Variants in ADGRB3 observed in about 807,000 individuals in gnomAD.
ADGRB3 encodes brain-specific angiogenesis inhibitor 3.
ADGRB3 carries 37 observed loss-of-function variants against 193.4 expected under a neutral mutation model. The ratio of observed to expected loss-of-function variants is 0.19; its 90% confidence interval spans 0.15 to 0.25. The LOEUF is 0.25. ADGRB3 is among the 10% of genes least tolerant of loss of function. The pLI is 1.00. For missense variants in ADGRB3, 1,637 were observed against 1,852.9 expected (o/e 0.88, Z 2.14); for synonymous variants, 690 against 644.2 (o/e 1.07, Z -1.08).
In ADGRB3 at chr6:68,972,208, A is replaced by AT. The variant is rs1183891910; in HGVS notation, c.1526-2548dup. Among the ~76,000 whole-genome samples the AT allele has an allele frequency of 3.3e-5, 5 of 152,190 alleles. No homozygotes were observed. The East Asian group carries it at 7.7e-4, about 23-fold the overall frequency. Reference sequence around the variant, plus strand: ...GCCCCTACCCTCACTTGAGTTGTAGATTTTTTTGTGATTAGTTTTATTTTA... The same window carrying AT: ...GCCCCTACCCTCACTTGAGTTGTAGATTTTTTTTGTGATTAGTTTTATTTTA... On this transcript the variant is annotated intron_variant, in intron 8 of 31. Transcript: ENST00000370598.
intron 17 of ADGRB3, among the ~76,000 whole-genome samples, chr6:69,141,143 G>GGA (rs1774330037): frequency 7.4e-6 from 1 of 135,076 alleles, no homozygotes; most frequent in Non-Finnish European, 1.6e-5. Flanking sequence ...GGGGCGGTGG[G>GGA]GACGGAGTCT....
At chr6:68,970,770 GC>G (rs1562105198) in intron 8 of ADGRB3, among the ~76,000 whole-genome samples, 1 of 152,242 alleles carries the variant, frequency 6.6e-6, no homozygotes, top group Non-Finnish European at 1.5e-5. Flanking sequence ...TGAGGTAAGT[GC>G]ATGAAATAAC....
intron 20 of ADGRB3, among the ~76,000 whole-genome samples, chr6:69,244,846 A>G (rs1355735962): frequency 6.6e-6 from 1 of 152,074 alleles, no homozygotes; most frequent in African/African-American, 2.4e-5. Flanking sequence ...CACTTAACCC[A>G]GAGAGTGGTA....
At chr6:69,119,028 T>C (rs1363924454) in intron 17 of ADGRB3, among the ~76,000 whole-genome samples, 2 of 152,224 alleles carry the variant, frequency 1.3e-5, no homozygotes, top group Non-Finnish European at 2.9e-5. Flanking sequence ...GCTGTTATAA[T>C]GGTGCTTTAC....
At chr6:69,310,580 A>G (rs1768168782) in intron 20 of ADGRB3, among the ~76,000 whole-genome samples, 2 of 151,788 alleles carry the variant, frequency 1.3e-5, no homozygotes, top group Non-Finnish European at 2.9e-5. Context: ...GTAAATTCAA[A>G]ATTGGAAGTG....
rs530529076 is a variant in ADGRB3 at position 69,030,463 on chromosome 6, C to G, written c.2107+11964C>G. On this transcript the variant is annotated intron_variant, in intron 13 of 31. Transcript: ENST00000370598. ...AAAAAGGATGAGTTCATGTTCTTTG[C>G]AGGGACATGGATGAAGCTGGAAACC... 3.3e-5 allele frequency among the ~76,000 whole-genome samples: 5 copies of G among 152,184 alleles called. No individual in the cohort carries two copies. In the South Asian group the frequency reaches 6.2e-4, roughly 19 times the overall value.
At chr6:68,907,160 A>G (rs1157400234) in intron 3 of ADGRB3, among the ~76,000 whole-genome samples, 1 of 151,908 alleles carries the variant, frequency 6.6e-6, no homozygotes, top group Non-Finnish European at 1.5e-5. Flanking sequence ...TTTATTTTTA[A>G]ATTCACTGCT....
rs117288143 is a variant in ADGRB3 at position 68,974,051 on chromosome 6, A to G, written c.1526-712A>G. On this transcript the variant is annotated intron_variant, in intron 8 of 31. Transcript: ENST00000370598. ...CATTGCTTTTAGTTGAAGAGGTAAA[A>G]AGTTACGTATTTTTACTCTTTATGC... is the stretch of plus-strand genomic sequence containing the variant. Among the ~76,000 whole-genome samples the G allele has an allele frequency of 3.5e-4, 54 of 152,286 alleles. 1 individual carries two copies. The East Asian group carries it at 9.3e-3, about 26-fold the overall frequency.
At chr6:69,123,814 A>G (rs982361141) in intron 17 of ADGRB3, among the ~76,000 whole-genome samples, 1 of 152,140 alleles carries the variant, frequency 6.6e-6, no homozygotes, top group East Asian at 1.9e-4. Flanking sequence ...CAATGTGACC[A>G]CAGAAGAGTG....
chr6:69,093,989 G>A (rs567666935), intron 17 of ADGRB3, among the ~76,000 whole-genome samples: 1 of 152,306 alleles, frequency 6.6e-6, no homozygotes, highest in African/African-American at 2.4e-5. Context: ...GTAGTGATGG[G>A]GAAATTGAAC....
At chr6:69,151,637 C>A in intron 17 of ADGRB3, among the ~76,000 whole-genome samples, 1 of 152,282 alleles carries the variant, frequency 6.6e-6, no homozygotes, top group East Asian at 1.9e-4. Context: ...CTCCTGCAGA[C>A]AGGACAATCA....
Position 68,974,880 on chromosome 6 carries a change from C to A in ADGRB3, c.1627+16C>A. ...AATGCCACAGGTACAGTAGGATGAC[C>A]CACCCAAACCCTAGTGATAATCCCC... On this transcript the variant is annotated intron_variant, in intron 9 of 31. Transcript: ENST00000370598. 6.3e-7 allele frequency: 1 copy of A among 1,591,780 alleles called. No individual in the cohort carries two copies. Among genetic ancestry groups the A allele is most frequent in the Non-Finnish European group, 8.6e-7 (1 of 1,160,644 alleles).
chr6:69,095,748 G>A (rs559762547), intron 17 of ADGRB3, among the ~76,000 whole-genome samples: 1 of 152,048 alleles, frequency 6.6e-6, no homozygotes, highest in African/African-American at 2.4e-5. Context: ...ACTGAGATGC[G>A]TACTGAAATG....
chr6:68,666,238 C>A (rs1768797178), intron 3 of ADGRB3, among the ~76,000 whole-genome samples: 1 of 151,914 alleles, frequency 6.6e-6, no homozygotes, highest in Non-Finnish European at 1.5e-5. Flanking sequence ...GGCATGGTGT[C>A]ACTAGTTCCT....
intron 23 of ADGRB3, chr6:69,332,342 T>C: frequency 4.1e-6 from 4 of 985,434 alleles, no homozygotes; most frequent in Non-Finnish European, 4.8e-6. Flanking sequence ...CTAGTGTCCA[T>C]TGTGAAAAAG....
chr6:69,028,204 C>T (rs1373901116), intron 13 of ADGRB3, among the ~76,000 whole-genome samples: 1 of 152,194 alleles, frequency 6.6e-6, no homozygotes, highest in Non-Finnish European at 1.5e-5. Flanking sequence ...ATAATTCCTA[C>T]TTTCCCTACC....
chr6:69,072,995 A>G (rs986617447), intron 16 of ADGRB3, among the ~76,000 whole-genome samples: 1 of 152,164 alleles, frequency 6.6e-6, no homozygotes, highest in Non-Finnish European at 1.5e-5. Flanking sequence ...TGAGAACCAG[A>G]TAAGAACCCA....
At chr6:69,152,926 T>C (rs756093450) in intron 17 of ADGRB3, among the ~76,000 whole-genome samples, 2 of 152,186 alleles carry the variant, frequency 1.3e-5, no homozygotes, top group Non-Finnish European at 2.9e-5. Flanking sequence ...TGGAACTGCA[T>C]TGATGTACTC....
chr6:69,162,362 T>C (rs560023581), intron 17 of ADGRB3, among the ~76,000 whole-genome samples: 4 of 152,260 alleles, frequency 2.6e-5, no homozygotes, highest in South Asian at 2.1e-4. Flanking sequence ...TTAAGTTATA[T>C]GAAAAAGAAC....
Sources: allele counts gnomAD v4.1 joint callset (sites outside exome capture counted in the v4.1 genomes callset), GRCh38; gene constraint gnomAD v4.1.1; transcripts MANE v1.5; gene names NCBI Gene and HGNC (gene_info 2026-07-23, HGNC 2026-07-21).